Variants in PDGFC observed in about 807,000 individuals in gnomAD.
The protein encoded by PDGFC is platelet-derived growth factor C.
Under a neutral mutation model 35.5 loss-of-function variants are expected in PDGFC, and 12 were observed. The ratio of observed to expected loss-of-function variants is 0.34; its 90% CI spans 0.22 to 0.55. The LOEUF is 0.55. Ranked by LOEUF, PDGFC falls within the 20% of genes least tolerant of loss-of-function variation. PDGFC has a pLI of 0.91. For missense variants in PDGFC, 322 were observed against 412.4 expected (o/e 0.78, Z 1.90); for synonymous variants, 159 against 148.8 (o/e 1.07, Z -0.50).
At chr4:156,887,022 T>C (rs1455618140) in intron 1 of PDGFC, among the ~76,000 whole-genome samples, 1 of 152,184 alleles carries the variant, frequency 6.6e-6, no homozygotes, top group Non-Finnish European at 1.5e-5. Context: ...ATTAGAATTT[T>C]TGTATGTATT....
rs140581709 is a variant in PDGFC, at chr4:156,970,431, C to G, written c.118+355G>C. ...CTCCCCAAATCTGAGTAAAGTCAAA[C>G]ATGCCAAGGCTCATTCATTTTGGAT... On this transcript the variant is annotated intron_variant, in intron 1 of 5. Coordinates refer to ENST00000502773, the MANE Select transcript of PDGFC (RefSeq NM_016205.3). Among the ~76,000 whole-genome samples the G allele has an allele frequency of 1.9e-3, 286 of 152,238 alleles. 1 individual carries two copies. Among genetic ancestry groups the G allele is most frequent in the African/African-American group, 6.5e-3 (271 of 41,552 alleles).
At chr4:156,938,274 G>A (rs1731728914) in intron 1 of PDGFC, among the ~76,000 whole-genome samples, 1 of 152,052 alleles carries the variant, frequency 6.6e-6, no homozygotes, top group Non-Finnish European at 1.5e-5. Flanking sequence ...GGTATTCACT[G>A]TAGAGCAGAT....
intron 3 of PDGFC, among the ~76,000 whole-genome samples, chr4:156,786,637 G>A (rs1293924731): frequency 6.6e-6 from 1 of 152,136 alleles, no homozygotes; most frequent in African/African-American, 2.4e-5. Flanking sequence ...AATTTACTCT[G>A]GGTGACTGGG....
chr4:156,841,845 C>T (rs1018676940), intron 2 of PDGFC, among the ~76,000 whole-genome samples: 18 of 152,166 alleles, frequency 1.2e-4, no homozygotes, highest in African/African-American at 3.9e-4. Flanking sequence ...TGGACTAATA[C>T]ACTAGCTAAC....
intron 3 of PDGFC, among the ~76,000 whole-genome samples, chr4:156,784,519 C>T (rs899840621): frequency 6.6e-6 from 1 of 151,538 alleles, no homozygotes; most frequent in Non-Finnish European, 1.5e-5. Flanking sequence ...GAAAGGGGGC[C>T]GTTAAAAAGC....
chr4:156,864,876 C>A (rs10517657), intron 1 of PDGFC, among the ~76,000 whole-genome samples: 14,713 of 151,934 alleles, frequency 0.097, 983 homozygotes, highest in South Asian at 0.42. Context: ...ACTTCTGAAC[C>A]AACTACTTAA....
At chr4:156,869,469 C>T (rs1729927237) in intron 1 of PDGFC, among the ~76,000 whole-genome samples, 1 of 152,016 alleles carries the variant, frequency 6.6e-6, no homozygotes, top group Non-Finnish European at 1.5e-5. Context: ...ATGAATAATG[C>T]TTATCACATA....
intron 3 of PDGFC, among the ~76,000 whole-genome samples, chr4:156,787,258 A>T (rs555312777): frequency 6.8e-4 from 104 of 152,210 alleles, no homozygotes; most frequent in Non-Finnish European, 1.1e-3. Context: ...TAGGTGGAAA[A>T]CAGGGAGAGA....
At chr4:156,931,178 GA>G (rs774145203) in intron 1 of PDGFC, among the ~76,000 whole-genome samples, 8 of 152,160 alleles carry the variant, frequency 5.3e-5, no homozygotes, top group Non-Finnish European at 1.0e-4. Context: ...TCCAGAACTT[GA>G]AACTGATAAA....
intron 1 of PDGFC, among the ~76,000 whole-genome samples, chr4:156,921,896 C>A (rs190625684): frequency 1.9e-3 from 294 of 151,888 alleles, no homozygotes; most frequent in African/African-American, 6.2e-3. Flanking sequence ...ACACTGACAA[C>A]ACACACACAC....
chr4:156,764,607 T>A (rs1410238976), intron 5 of PDGFC, among the ~76,000 whole-genome samples: 1 of 152,202 alleles, frequency 6.6e-6, no homozygotes, highest in Admixed American at 6.5e-5. Flanking sequence ...AGTCTTGTAA[T>A]AACTATTAGA....
chr4:156,789,973 T>G lies in PDGFC; in HGVS notation c.496-17080A>C, dbSNP rs1355485670. Among the ~76,000 whole-genome samples the G allele has an allele frequency of 2.4e-4, 19 of 78,370 alleles. No individual in the cohort carries two copies. The East Asian group carries it at 6.5e-3, about 27-fold the overall frequency. The allele number at this position is 78,370 out of a possible 152,430, so 51.4% of individuals were successfully genotyped here. ...GCCTGGATGACAGAGTGAGTCTCCA[T>G]CTCAAAAAAAAAAAAAAAAAAAAAA... On this transcript the variant is annotated intron_variant, in intron 3 of 5. Coordinates refer to ENST00000502773, the MANE Select transcript of PDGFC (RefSeq NM_016205.3).
chr4:156,839,806 A>G (rs941344975), intron 2 of PDGFC, among the ~76,000 whole-genome samples: 1 of 152,168 alleles, frequency 6.6e-6, no homozygotes, highest in Non-Finnish European at 1.5e-5. Flanking sequence ...ATGCACAATG[A>G]GGTCGAGGCA....
At chr4:156,913,090 C>A (rs566573354) in intron 1 of PDGFC, among the ~76,000 whole-genome samples, 1 of 152,092 alleles carries the variant, frequency 6.6e-6, no homozygotes, top group East Asian at 1.9e-4. Flanking sequence ...TCTCTTGTTA[C>A]CCCCTTCTTC....
chr4:156,823,858 A>C (rs1485579709), intron 2 of PDGFC, among the ~76,000 whole-genome samples: 1 of 152,206 alleles, frequency 6.6e-6, no homozygotes, highest in Non-Finnish European at 1.5e-5. Context: ...TAAATGGATA[A>C]GGAAAGTGTA....
chr4:156,843,742 A>T (rs1460145819), intron 2 of PDGFC, among the ~76,000 whole-genome samples: 1 of 152,180 alleles, frequency 6.6e-6, no homozygotes, highest in African/African-American at 2.4e-5. Context: ...TGTGGTGAGA[A>T]CCAAAACCAG....
chr4:156,968,237 T>A (rs1732511195), intron 1 of PDGFC, among the ~76,000 whole-genome samples: 2 of 152,066 alleles, frequency 1.3e-5, no homozygotes, highest in African/African-American at 4.8e-5. Context: ...AAAGAGAGTA[T>A]CATGAGGAGG....
chr4:156,958,696 G>A (rs868439206), intron 1 of PDGFC, among the ~76,000 whole-genome samples: 3 of 151,926 alleles, frequency 2.0e-5, no homozygotes, highest in Admixed American at 6.6e-5. Context: ...CCATTAATGC[G>A]CAGCACAACA....
intron 5 of PDGFC, among the ~76,000 whole-genome samples, chr4:156,764,989 T>C (rs1730481939): frequency 1.3e-5 from 2 of 152,148 alleles, no homozygotes; most frequent in South Asian, 4.1e-4. Flanking sequence ...CCATACACGG[T>C]CCTAACAGTC....
Sources: gnomAD v4.1 joint callset for allele counts (sites outside exome capture counted in the v4.1 genomes callset) on GRCh38, gnomAD v4.1.1 for gene constraint, MANE v1.5 for transcripts, NCBI Gene and HGNC (gene_info 2026-07-23, HGNC 2026-07-21) for gene names.